Variants in PPM1H observed in about 807,000 individuals in gnomAD.
The protein encoded by PPM1H is protein phosphatase 1H.
PPM1H carries 27 observed loss-of-function variants against 54.9 expected under a neutral mutation model. That is an observed-to-expected ratio of 0.49 (90% CI 0.36 to 0.68). The LOEUF is 0.68. PPM1H is among the 30% of genes least tolerant of loss of function. PPM1H has a pLI of 0.00. For missense variants in PPM1H, 596 were observed against 667.8 expected (o/e 0.89, Z 1.19); for synonymous variants, 305 against 270.8 (o/e 1.13, Z -1.24).
chr12:62,850,573 G>A (rs1869143074), intron 1 of PPM1H, among the ~76,000 whole-genome samples: 1 of 150,292 alleles, frequency 6.7e-6, no homozygotes, highest in Non-Finnish European at 1.5e-5. Context: ...ATCCCAAAAT[G>A]TCCTTGGCAG....
intron 5 of PPM1H, among the ~76,000 whole-genome samples, chr12:62,734,544 C>T (rs899520045): frequency 6.6e-6 from 1 of 152,194 alleles, no homozygotes; most frequent in Non-Finnish European, 1.5e-5. Context: ...TTATTTCAAC[C>T]ATCCCAAAAT....
intron 4 of PPM1H, among the ~76,000 whole-genome samples, chr12:62,739,465 T>C (rs10129027): frequency 0.02 from 2,983 of 152,270 alleles, 77 homozygotes; most frequent in African/African-American, 0.068. Context: ...CCCTGAGAAT[T>C]CGGGGAGCTG....
chr12:62,724,862 T>C (rs1276205968), intron 5 of PPM1H, among the ~76,000 whole-genome samples: 1 of 152,210 alleles, frequency 6.6e-6, no homozygotes, highest in Admixed American at 6.5e-5. Context: ...GGATATAGAA[T>C]TGAAGTAGGT....
chr12:62,767,949 T>C (rs80254789), intron 4 of PPM1H, among the ~76,000 whole-genome samples: 3,722 of 152,292 alleles, frequency 0.024, 107 homozygotes, highest in Non-Finnish European at 0.028. Context: ...GTCCAGTCAC[T>C]GGATTTAGGG....
At chr12:62,764,518 T>C (rs1305802426) in intron 4 of PPM1H, among the ~76,000 whole-genome samples, 4 of 152,232 alleles carry the variant, frequency 2.6e-5, no homozygotes, top group Non-Finnish European at 1.5e-5. Flanking sequence ...CCATGTGACC[T>C]TGAGTGTAAC....
intron 9 of PPM1H, among the ~76,000 whole-genome samples, chr12:62,664,957 T>G (rs1456530707): frequency 6.6e-6 from 1 of 152,240 alleles, no homozygotes; most frequent in East Asian, 1.9e-4. Context: ...CTTTTGAAAG[T>G]TGGCTGTCAG....
At chr12:62,697,133 C>CTT (rs543565296) in intron 6 of PPM1H, among the ~76,000 whole-genome samples, 2 of 146,486 alleles carry the variant, frequency 1.4e-5, no homozygotes, top group Admixed American at 6.8e-5. Context: ...GGTCTGTGTT[C>CTT]TTTTTTTTTT....
chr12:62,841,941 C>T (rs1341644799), intron 1 of PPM1H, among the ~76,000 whole-genome samples: 1 of 152,076 alleles, frequency 6.6e-6, no homozygotes, highest in Non-Finnish European at 1.5e-5. Context: ...ATCAGAAAGT[C>T]ATCTTTGTGT....
At chr12:62,662,336 G>A (rs1027721808) in intron 9 of PPM1H, among the ~76,000 whole-genome samples, 1 of 152,174 alleles carries the variant, frequency 6.6e-6, no homozygotes, top group South Asian at 2.1e-4. Flanking sequence ...CATGAAACTT[G>A]AAAGGCGAAA....
chr12:62,929,204 T>C (rs1378729921), intron 1 of PPM1H, among the ~76,000 whole-genome samples: 2 of 152,126 alleles, frequency 1.3e-5, no homozygotes, highest in Non-Finnish European at 2.9e-5. Context: ...TGCTATAAAA[T>C]TTTCTTGAGG....
intron 3 of PPM1H, among the ~76,000 whole-genome samples, chr12:62,793,203 A>G (rs1450664519): frequency 6.6e-6 from 1 of 152,184 alleles, no homozygotes; most frequent in Non-Finnish European, 1.5e-5. Context: ...GATCGATTAA[A>G]TGACTCTTAA....
rs11174606 is a variant in PPM1H, at chr12:62,700,031, T to A, written c.1074-6032A>T. 1.1e-4 allele frequency among the ~76,000 whole-genome samples: 16 copies of A among 152,258 alleles called. No homozygotes were observed. In the East Asian group the frequency reaches 2.9e-3, roughly 28 times the overall value. On this transcript the variant is annotated intron_variant, in intron 6 of 9. Coordinates refer to ENST00000228705, the MANE Select transcript of PPM1H (RefSeq NM_020700.2). ...CTAGGCTGAGGCTCTCTCACTGCCC[T>A]TCTGTCAGTCCCTCCATCTGCCTCA...
intron 1 of PPM1H, among the ~76,000 whole-genome samples, chr12:62,839,847 G>A (rs181025027): frequency 6.7e-6 from 1 of 149,676 alleles, no homozygotes; most frequent in African/African-American, 2.5e-5. Context: ...AGACCAGCCT[G>A]GTCAACATGG....
intron 5 of PPM1H, among the ~76,000 whole-genome samples, chr12:62,732,061 A>T (rs1009965795): frequency 5.3e-5 from 8 of 152,034 alleles, no homozygotes; most frequent in African/African-American, 1.9e-4. Flanking sequence ...CACCATGGAG[A>T]CCTTAGAAAC....
intron 7 of PPM1H, among the ~76,000 whole-genome samples, 157 bp downstream of exon 7, chr12:62,693,779 G>A (rs2076097089): frequency 6.6e-6 from 1 of 152,210 alleles, no homozygotes; most frequent in Admixed American, 6.5e-5. Flanking sequence ...CCTGAAGACA[G>A]GAGGCCTGAA....
intron 1 of PPM1H, among the ~76,000 whole-genome samples, chr12:62,912,667 A>G (rs1045230453): frequency 6.6e-6 from 1 of 152,218 alleles, no homozygotes; most frequent in Non-Finnish European, 1.5e-5. Context: ...CAAAGCTAAT[A>G]AGACAAACGC....
chr12:62,737,683 G>A (rs1050112240), intron 4 of PPM1H, 97 bp from the exon 5 acceptor site: 2 of 850,632 alleles, frequency 2.4e-6, no homozygotes, highest in South Asian at 2.0e-5. Flanking sequence ...GAAATGCCAA[G>A]AGATGTTTTT....
In PPM1H at chr12:62,817,035, T is replaced by A. The variant is rs372998841; in HGVS notation, c.412-14875A>T. Among the ~76,000 whole-genome samples, 3 of 148,474 alleles carry A rather than the reference T, an allele frequency of 2.0e-5. No individual in the cohort carries two copies. The East Asian group carries it at 5.9e-4, about 29-fold the overall frequency. ...ACATCAGCCTCCTCAATTCCTGGTT[T>A]TAAAATCATCCATCTTAATCACTGG... On this transcript the variant is annotated intron_variant, in intron 2 of 9. Transcript: ENST00000228705.
chr12:62,704,370 AATCTAGT>A (rs1388153807), intron 6 of PPM1H, among the ~76,000 whole-genome samples: 1 of 152,118 alleles, frequency 6.6e-6, no homozygotes, highest in African/African-American at 2.4e-5. Flanking sequence ...AGTATGTATA[AATCTAGT>A]TTTGGGGGTC....
Sources: gnomAD v4.1 joint callset for allele counts (sites outside exome capture counted in the v4.1 genomes callset) on GRCh38, gnomAD v4.1.1 for gene constraint, MANE v1.5 for transcripts, NCBI Gene and HGNC (gene_info 2026-07-23, HGNC 2026-07-21) for gene names.